The following RBM33 variants were observed in gnomAD, a reference collection of about 807,000 sequenced individuals.
The protein encoded by RBM33 is RNA binding motif protein 33.
A neutral mutation model predicts 132.6 loss-of-function variants in RBM33; 28 were observed. That is an observed-to-expected ratio of 0.21 (90% CI 0.16 to 0.29). The LOEUF (loss-of-function observed/expected upper bound fraction) is 0.29, where lower values mean the gene tolerates loss of function less well. Among genes scored for constraint, RBM33 ranks in the 10% least tolerant of loss-of-function variants. The pLI is 1.00. For missense variants in RBM33, 1,291 were observed against 1,518.5 expected, an observed-to-expected ratio of 0.85 and a Z score of 2.49; for synonymous variants, 634 against 593.0, an observed-to-expected ratio of 1.07 and a Z score of -1.01.
chr7:155,686,189 A>G (rs1288472504), intron 5 of RBM33, among the ~76,000 whole-genome samples: 2 of 152,252 alleles, frequency 1.3e-5, no homozygotes, highest in East Asian at 3.8e-4. Context: ...AACTAAGACA[A>G]AGCTAAAGAA....
At chr7:155,675,970 T>C (rs1209558881) in intron 3 of RBM33, among the ~76,000 whole-genome samples, 1 of 152,210 alleles carries the variant, frequency 6.6e-6, no homozygotes, top group Non-Finnish European at 1.5e-5. Flanking sequence ...ATTTATTTGA[T>C]TTCTAGTGAG....
At chr7:155,725,203 GTTTTTTTTT>G (rs59050644) in intron 9 of RBM33, among the ~76,000 whole-genome samples, 8 of 105,192 alleles carry the variant, frequency 7.6e-5, no homozygotes, top group South Asian at 3.5e-4. Flanking sequence ...TTTTTTAGTT[GTTTTTTTTT>G]TTTTTTTTTT....
At chr7:155,742,173 C>T (rs1801365144) in intron 13 of RBM33, 67 bp downstream of exon 13, 2 of 1,406,314 alleles carry the variant, frequency 1.4e-6, no homozygotes, top group Admixed American at 2.5e-5. Flanking sequence ...ACTTGGATGT[C>T]TTAGTTCACT....
chr7:155,711,229 G>T lies in RBM33; in HGVS notation c.975G>T (p.Pro325=), dbSNP rs751252763. The change falls in exon 8 of 18, where the codon CCG becomes CCT. Residue 325 remains proline (P), a synonymous_variant. Transcript: ENST00000401878. ...VVPQAPPPPP[P]PPQQQPIRSL... The stretch of plus-strand genomic sequence containing the variant: ...CCCAGGCTCCCCCTCCACCGCCACC[G>T]CCGCCTCAGCAGCAGCCGATCAGAA... 1 of 1,578,722 alleles carries T rather than the reference G, an allele frequency of 6.3e-7. No individual in the cohort carries two copies.
At position 155,774,338 on chromosome 7, in the gene RBM33, C is replaced by T. The variant is rs866541246; in HGVS notation, c.3376-221C>T. On this transcript the variant is annotated intron_variant, in intron 16 of 17. Transcript: ENST00000401878. This position sits in a 1 kb window ranked among gnomAD's most constrained non-coding sequence, Gnocchi z 4.2. Reference sequence around the variant, plus strand: ...TTAACACTAGGCTTGGAAGATGTAACTGTTGCTGTTGGGAATGATTTAGTA... The same window carrying T: ...TTAACACTAGGCTTGGAAGATGTAATTGTTGCTGTTGGGAATGATTTAGTA... Among the ~76,000 whole-genome samples, 6 of 152,290 alleles carry T rather than the reference C, an allele frequency of 3.9e-5. 1 individual carries two copies. The Middle Eastern group carries it at 0.02, about 518-fold the overall frequency.
chr7:155,665,210 G>A lies in RBM33; in HGVS notation c.79G>A (p.Glu27Lys). ...TGACCAGTTTGATAAGCCTGGCGCG[G>A]AACGGTCGTGGAGAAGAAGAGCTGC... ...DFDQFDKPGAERSWRRRAADE... is the reference protein window; with the variant it reads ...DFDQFDKPGAKRSWRRRAADE... The change falls in exon 2 of 18, where the codon GAA (glutamate) becomes AAA (lysine). Residue 27 changes from glutamate (E) to lysine (K), a missense_variant. Physicochemically the swap from Glu to Lys is moderately conservative, Grantham distance 56. Coordinates refer to ENST00000401878, the MANE Select transcript of RBM33 (RefSeq NM_053043.3). 5 of 1,613,940 alleles carry A rather than the reference G, an allele frequency of 3.1e-6. No individual in the cohort carries two copies. Among genetic ancestry groups the A allele is most frequent in the Non-Finnish European group, 4.2e-6 (5 of 1,179,840 alleles).
chr7:155,680,343 A>G (rs1335859597), intron 4 of RBM33, among the ~76,000 whole-genome samples: 1 of 152,186 alleles, frequency 6.6e-6, no homozygotes, highest in Non-Finnish European at 1.5e-5. Context: ...TAGAGGGGCT[A>G]TATGCATTGC....
Position 155,745,183 on chromosome 7 carries a change from A to C in RBM33, c.2560A>C (p.Asn854His). Reference protein sequence around the residue: ...EEQALSPSPTNGNPLLPFPGA... With the variant: ...EEQALSPSPTHGNPLLPFPGA... ...GCAGGCACTGTCACCATCACCCACC[A>C]ACGGTAACCCACTGTTGCCCTTTCC... The change falls in exon 14 of 18, where the codon AAC becomes CAC. Residue 854 changes from asparagine to histidine, a missense_variant. This residue lies in a region of RBM33 where 841 missense variants were observed against 912.0 expected (regional missense o/e 0.92). Coordinates refer to ENST00000401878, the MANE Select transcript of RBM33 (RefSeq NM_053043.3). This position sits in a 1 kb window ranked among gnomAD's most constrained non-coding sequence, Gnocchi z 4.1. 4 of 1,611,108 alleles carry C rather than the reference A, an allele frequency of 2.5e-6. No individual in the cohort carries two copies. The highest frequency in any genetic ancestry group is 3.4e-6 in the Non-Finnish European group (4 of 1,178,602).
chr7:155,649,793 A>G (rs1798305530), intron 1 of RBM33, among the ~76,000 whole-genome samples: 1 of 152,208 alleles, frequency 6.6e-6, no homozygotes, highest in Non-Finnish European at 1.5e-5. Flanking sequence ...GCTGCAAATA[A>G]AACAAAACCA....
intron 1 of RBM33, among the ~76,000 whole-genome samples, chr7:155,650,024 C>T (rs1216557054): frequency 6.6e-6 from 1 of 152,214 alleles, no homozygotes; most frequent in Non-Finnish European, 1.5e-5. Flanking sequence ...GAGCCCCCAA[C>T]ACTCTCATTC....
chr7:155,653,581 G>GA, intron 1 of RBM33, among the ~76,000 whole-genome samples: 1 of 66,650 alleles, frequency 1.5e-5, no homozygotes, highest in Non-Finnish European at 3.5e-5. Context: ...CTCCCTCGAG[G>GA]GGAGGGGCTG....
chr7:155,729,938 G>C (rs954677894), intron 9 of RBM33, among the ~76,000 whole-genome samples: 1 of 151,804 alleles, frequency 6.6e-6, no homozygotes. Flanking sequence ...CCTAACCTTT[G>C]TTACTTCCTT....
intron 5 of RBM33, among the ~76,000 whole-genome samples, chr7:155,682,573 G>C (rs1403138736): frequency 1.3e-5 from 2 of 152,174 alleles, no homozygotes; most frequent in African/African-American, 2.4e-5. Context: ...TAATCGTCCT[G>C]GGTTCTTTCC....
intron 9 of RBM33, among the ~76,000 whole-genome samples, chr7:155,724,811 A>G (rs886516226): frequency 1.3e-5 from 2 of 152,148 alleles, no homozygotes; most frequent in African/African-American, 4.8e-5. Flanking sequence ...CCTGTAGTAT[A>G]ACGCGTTTGA....
intron 8 of RBM33, among the ~76,000 whole-genome samples, chr7:155,714,780 T>C (rs1407981758): frequency 6.6e-6 from 1 of 151,764 alleles, no homozygotes; most frequent in Non-Finnish European, 1.5e-5. Flanking sequence ...AAGTGGAGAG[T>C]AGCCTAAGGT....
Position 155,778,359 on chromosome 7 carries a change from G to T in RBM33, c.*3318G>T, listed in dbSNP as rs1431473454. ...CAAACAGCATCTTGCTCAGTTCTGT[G>T]AACAGAAGGCTTTGTTACTGAAGGA... On this transcript the variant is annotated 3_prime_UTR_variant, in exon 18 of 18. Transcript: ENST00000401878. The surrounding 1 kb of genome is among the most constrained non-coding windows in gnomAD (Gnocchi z 4.0). 2.0e-5 allele frequency: 3 copies of T among 152,276 alleles called. No homozygotes were observed. Among genetic ancestry groups the T allele is most frequent in the Non-Finnish European group, 4.4e-5 (3 of 68,094 alleles). 9.4% of individuals were successfully genotyped at this position (152,276 alleles called of 1,614,324 possible).
Position 155,739,510 on chromosome 7 carries a change from G to T in RBM33, c.1738-205G>T, listed in dbSNP as rs562899059. ...AGGACAATTCAATCCTAGAATTACT[G>T]GATTAAATATAAAATTTAAGGTAAT... On this transcript the variant is annotated intron_variant, in intron 11 of 17. Coordinates refer to ENST00000401878, the MANE Select transcript of RBM33 (RefSeq NM_053043.3). The T allele has an allele frequency of 2.8e-5, 17 of 596,498 alleles. No individual in the cohort carries two copies. The East Asian group carries it at 4.3e-4, about 15-fold the overall frequency. 37.0% of individuals were successfully genotyped at this position (596,498 alleles called of 1,614,324 possible). A position where few individuals can be genotyped will look rare whatever the true frequency, so the allele number is the denominator to read the frequency against.
chr7:155,750,250 A>T (rs1801651075), intron 14 of RBM33, among the ~76,000 whole-genome samples: 1 of 152,240 alleles, frequency 6.6e-6, no homozygotes. Flanking sequence ...GTGTTTAAGA[A>T]ACCAAAAGAA....
chr7:155,650,452 G>A (rs1245082044), intron 1 of RBM33, among the ~76,000 whole-genome samples: 2 of 152,272 alleles, frequency 1.3e-5, no homozygotes, highest in South Asian at 2.1e-4. Context: ...GCATTCTGGG[G>A]TTCAAAATCT....
Sources: gnomAD v4.1 joint callset for allele counts (sites outside exome capture counted in the v4.1 genomes callset) on GRCh38, gnomAD v4.1.1 for gene constraint, gnomAD v4.1.1 regional missense constraint, Gnocchi (gnomAD v3.1) non-coding constraint, MANE v1.5 for transcripts, NCBI Gene and HGNC (gene_info 2026-07-23, HGNC 2026-07-21) for gene names.